SHANK2: variants seen among roughly 807,000 people sequenced by gnomAD.
SHANK2 encodes SH3 and multiple ankyrin repeat domains protein 2.
SHANK2 carries 43 observed loss-of-function variants against 133.7 expected under a neutral mutation model. The observed-to-expected ratio is 0.32, with a 90% CI of 0.25 to 0.41. SHANK2 has a LOEUF of 0.41. SHANK2 is among the 10% of genes least tolerant of loss of function. The probability of loss-of-function intolerance (pLI) is 1.00; values close to 1 mark genes in which losing one functional copy is unlikely to be tolerated. For synonymous variants in SHANK2, 1,017 were observed against 952.8 expected, an observed-to-expected ratio of 1.07 and a Z score of -1.24; for missense variants, 1,994 against 2,235.8, an observed-to-expected ratio of 0.89 and a Z score of 2.18.
At chr11:70,510,987 A>G (rs1022015601) in intron 17 of SHANK2, among the ~76,000 whole-genome samples, 3 of 152,250 alleles carry the variant, frequency 2.0e-5, no homozygotes, top group Non-Finnish European at 4.4e-5. Flanking sequence ...CTGCAAAATA[A>G]ACAAGCTTTG....
At chr11:71,061,410 G>A (rs960811145) in intron 9 of SHANK2, among the ~76,000 whole-genome samples, 133 of 152,320 alleles carry the variant, frequency 8.7e-4, no homozygotes, top group African/African-American at 3.0e-3. Flanking sequence ...TATTAACAAC[G>A]GTCTTCAGGC....
intron 14 of SHANK2, among the ~76,000 whole-genome samples, chr11:70,720,131 G>T (rs782611300): frequency 2.0e-5 from 3 of 152,182 alleles, no homozygotes; most frequent in Non-Finnish European, 2.9e-5. Flanking sequence ...ATGAGGGCAG[G>T]GTCCACGTTG....
intron 14 of SHANK2, among the ~76,000 whole-genome samples, chr11:70,794,295 A>T (rs776432089): frequency 9.6e-5 from 14 of 145,738 alleles, no homozygotes; most frequent in Non-Finnish European, 1.5e-4. Flanking sequence ...AAAAAAAAAC[A>T]ACATATAAAC....
chr11:70,492,120 G>A (rs1010439834), intron 22 of SHANK2, among the ~76,000 whole-genome samples: 2 of 152,220 alleles, frequency 1.3e-5, no homozygotes, highest in African/African-American at 4.8e-5. Context: ...TGAGTGAGCG[G>A]TAAGGGCAGG....
At chr11:70,748,529 C>G (rs1334274273) in intron 14 of SHANK2, among the ~76,000 whole-genome samples, 1 of 152,094 alleles carries the variant, frequency 6.6e-6, no homozygotes, top group Non-Finnish European at 1.5e-5. Context: ...CAAAGGGGGC[C>G]CCATCAGCAC....
intron 3 of SHANK2, among the ~76,000 whole-genome samples, chr11:71,133,896 C>G (rs1952383365): frequency 6.6e-6 from 1 of 150,688 alleles, no homozygotes; most frequent in Admixed American, 6.6e-5. Context: ...ACATCTGAAA[C>G]TGAAAGGGCA....
intron 25 of SHANK2, among the ~76,000 whole-genome samples, chr11:70,480,090 C>G (rs1250192938): frequency 6.6e-5 from 10 of 152,186 alleles, no homozygotes; most frequent in African/African-American, 2.4e-4. Flanking sequence ...CTGAAGGCAG[C>G]CATATCTGGA....
chr11:70,636,262 C>A (rs12796439), intron 17 of SHANK2, among the ~76,000 whole-genome samples: 4 of 152,106 alleles, frequency 2.6e-5, no homozygotes, highest in African/African-American at 9.7e-5. Context: ...TGCGTGTATG[C>A]GAGCATGCAT....
intron 10 of SHANK2, among the ~76,000 whole-genome samples, chr11:70,946,087 C>T (rs1950724648): frequency 6.7e-6 from 1 of 149,316 alleles, no homozygotes; most frequent in South Asian, 2.2e-4. Context: ...TCAGGCTCAA[C>T]CTCTCTCTCC....
rs1565503354 is a variant in SHANK2 at position 71,188,618 on chromosome 11, G to A, written c.-13+36079C>T. The stretch of plus-strand genomic sequence containing the variant: ...AGCCGTGAAGACAATGAAATTCACT[G>A]TGCCTATAACCCAAAGTCAAGATGA... On this transcript the variant is annotated intron_variant, in intron 2 of 25. Transcript: ENST00000601538. This position sits in a 1 kb window ranked among gnomAD's most constrained non-coding sequence, Gnocchi z 4.6. Among the ~76,000 whole-genome samples, 2 of 152,198 alleles carry A rather than the reference G, an allele frequency of 1.3e-5. No individual in the cohort carries two copies. The highest frequency in any genetic ancestry group is 2.1e-4 in the South Asian group (1 of 4,832).
At position 70,593,518 on chromosome 11, in the gene SHANK2, C is replaced by T. The variant is rs536993896; in HGVS notation, c.2061+66310G>A. On this transcript the variant is annotated intron_variant, in intron 17 of 25. Coordinates refer to ENST00000601538, the MANE Select transcript of SHANK2 (RefSeq NM_012309.5). ...CCCCACCTGGGCATGGTGGCTACCT[C>T]GCCTGCCTGCCCCACGGGACGTCTG... Among the ~76,000 whole-genome samples the T allele has an allele frequency of 1.1e-4, 17 of 152,280 alleles. 1 individual carries two copies. The highest frequency in any genetic ancestry group is 5.9e-4 in the Admixed American group (9 of 15,302).
intron 17 of SHANK2, among the ~76,000 whole-genome samples, chr11:70,590,266 C>A (rs1287615439): frequency 2.6e-5 from 4 of 152,172 alleles, no homozygotes; most frequent in South Asian, 2.1e-4. Context: ...TTCTTAGGGA[C>A]AAGCAAAGAA....
intron 17 of SHANK2, among the ~76,000 whole-genome samples, chr11:70,584,835 G>A (rs543162406): frequency 3.3e-5 from 5 of 152,152 alleles, no homozygotes; most frequent in South Asian, 2.1e-4. Context: ...AAAACACTGC[G>A]GTACACAGGA....
intron 6 of SHANK2, among the ~76,000 whole-genome samples, chr11:71,103,922 CCTCT>C (rs143494541): frequency 2.0e-4 from 28 of 137,946 alleles, no homozygotes; most frequent in African/African-American, 5.9e-4. Flanking sequence ...TGCACCTGCT[CCTCT>C]CTCTCTCTCT....
In SHANK2 at chr11:70,863,601, C is replaced by T. The variant is rs781932381; in HGVS notation, c.1174+32900G>A. ...CTAAAATAACTCAGGCTGGTGCAAA[C>T]GGAGCTTTGCTAGGCCTGGTGCCTC... On this transcript the variant is annotated intron_variant, in intron 11 of 25. Coordinates refer to ENST00000601538, the MANE Select transcript of SHANK2 (RefSeq NM_012309.5). 1.3e-4 allele frequency: 58 copies of T among 450,870 alleles called. 2 individuals are homozygous for T. Among genetic ancestry groups the T allele is most frequent in the South Asian group, 8.8e-4 (56 of 63,392 alleles). The allele number at this position is 450,870 out of a possible 1,614,324, so 27.9% of individuals were successfully genotyped here.
At position 70,841,312 on chromosome 11, in the gene SHANK2, G is replaced by A. The variant is rs1459031704; in HGVS notation, c.1175-20630C>T. 2.0e-5 allele frequency among the ~76,000 whole-genome samples: 3 copies of A among 152,170 alleles called. No individual in the cohort carries two copies. In the East Asian group the frequency reaches 5.8e-4, roughly 29 times the overall value. ...ATCACCGCAGTGAAAGGTGGGCAGT[G>A]GCAGCAGGTGATGCCTGTGACACGC... is the stretch of plus-strand genomic sequence containing the variant. On this transcript the variant is annotated intron_variant, in intron 11 of 25. Transcript: ENST00000601538.
chr11:70,815,741 C>T (rs931486016), intron 12 of SHANK2, among the ~76,000 whole-genome samples: 77 of 152,136 alleles, frequency 5.1e-4, no homozygotes, highest in African/African-American at 1.6e-3. Flanking sequence ...CCTGGGGAGG[C>T]TGGGAGGCCT....
chr11:70,952,658 C>T (rs1356297391), intron 10 of SHANK2: 6 of 310,016 alleles, frequency 1.9e-5, no homozygotes, highest in Non-Finnish European at 4.3e-5. Flanking sequence ...GAGACGCACC[C>T]AAGCTGCTGA....
chr11:71,065,276 CA>C (rs1951034422), intron 9 of SHANK2, among the ~76,000 whole-genome samples: 1 of 149,728 alleles, frequency 6.7e-6, no homozygotes, highest in African/African-American at 2.5e-5. Context: ...GGGAGATAAA[CA>C]GTGAGTGGGG....
Sources: gnomAD v4.1 joint callset for allele counts (sites outside exome capture counted in the v4.1 genomes callset) on GRCh38, gnomAD v4.1.1 for gene constraint, Gnocchi (gnomAD v3.1) non-coding constraint, MANE v1.5 for transcripts, NCBI Gene and HGNC (gene_info 2026-07-23, HGNC 2026-07-21) for gene names.